Variants in WDPCP observed in about 807,000 individuals in gnomAD.
WDPCP encodes the protein WD repeat-containing and planar cell polarity effector protein fritz homolog.
Under a neutral mutation model 93.1 loss-of-function variants are expected in WDPCP, and 71 were observed. The ratio of observed to expected loss-of-function variants is 0.76; its 90% CI spans 0.63 to 0.93. The LOEUF (loss-of-function observed/expected upper bound fraction) is 0.93. WDPCP is among the 40% of genes least tolerant of loss of function. The pLI is 0.00. For synonymous variants in WDPCP, 315 were observed against 315.0 expected, an observed-to-expected ratio of 1.00 and a Z score of 0.00; for missense variants, 844 against 887.4, an observed-to-expected ratio of 0.95 and a Z score of 0.62.
upstream of WDPCP, chr2:63,592,992 T>C (rs1709228366): frequency 6.6e-6 from 1 of 152,156 alleles, no homozygotes; most frequent in African/African-American, 2.4e-5. Context: ...TAAAGATTTT[T>C]CTATAAATAG....
chr2:63,281,130 GAA>G (rs976144575), intron 13 of WDPCP, among the ~76,000 whole-genome samples: 2 of 149,144 alleles, frequency 1.3e-5, no homozygotes, highest in East Asian at 3.9e-4. Context: ...AAATCAGCAA[GAA>G]AAAAAAACCC....
chr2:63,690,744 G>C (rs1238840650), intron 2 of WDPCP, among the ~76,000 whole-genome samples: 2 of 151,758 alleles, frequency 1.3e-5, no homozygotes, highest in Non-Finnish European at 2.9e-5. Flanking sequence ...CCTGTCTCGA[G>C]AAAACAAAAC....
chr2:63,264,125 T>A (rs983597046), intron 13 of WDPCP, among the ~76,000 whole-genome samples: 3 of 152,212 alleles, frequency 2.0e-5, no homozygotes, highest in African/African-American at 7.2e-5. Context: ...CCCGGCCAGA[T>A]GCCTAGCTAT....
At chr2:63,335,752 A>G (rs902729420) in intron 12 of WDPCP, among the ~76,000 whole-genome samples, 1 of 152,204 alleles carries the variant, frequency 6.6e-6, no homozygotes, top group Non-Finnish European at 1.5e-5. Flanking sequence ...GAACTGGGTA[A>G]AAATGAGGCT....
chr2:63,771,620 G>A (rs901030447), intron 2 of WDPCP, among the ~76,000 whole-genome samples: 1 of 151,840 alleles, frequency 6.6e-6, no homozygotes, highest in African/African-American at 2.4e-5. Flanking sequence ...GCATGATGCT[G>A]AGGTTTGGGG....
At chr2:63,819,670 AG>A (rs1281291518) in intron 1 of WDPCP, among the ~76,000 whole-genome samples, 4 of 152,344 alleles carry the variant, frequency 2.6e-5, no homozygotes, top group Non-Finnish European at 5.9e-5. Context: ...GTCCAGGCAC[AG>A]TATTTCTAGA....
At chr2:63,156,312 T>C (rs909718058) in intron 15 of WDPCP, among the ~76,000 whole-genome samples, 1 of 152,194 alleles carries the variant, frequency 6.6e-6, no homozygotes, top group African/African-American at 2.4e-5. Flanking sequence ...CCATTTATTT[T>C]AATCTTCTTA....
Position 63,783,324 on chromosome 2 carries a change from G to C in WDPCP, n.308+30298C>G, listed in dbSNP as rs1057334071. Among the ~76,000 whole-genome samples, 3 of 152,090 alleles carry C rather than the reference G, an allele frequency of 2.0e-5. No homozygotes were observed. In the East Asian group the frequency reaches 5.8e-4, roughly 29 times the overall value. ...TAGTCCTAGCTACTTGGGAGGCTAA[G>C]GTGGGAAGATTAGTGAACCCAGGAG... is the stretch of plus-strand genomic sequence containing the variant. On this transcript the variant is annotated intron_variant and non_coding_transcript_variant, in intron 2 of 4. Transcript: ENST00000467687.
chr2:63,468,362 TAA>T (rs1247288443), intron 6 of WDPCP, among the ~76,000 whole-genome samples: 1 of 152,124 alleles, frequency 6.6e-6, no homozygotes, highest in Non-Finnish European at 1.5e-5. Context: ...GGATTTCAAT[TAA>T]AGGAATGCAT....
At chr2:63,189,977 AG>A (rs939785121) in intron 14 of WDPCP, among the ~76,000 whole-genome samples, 1 of 152,220 alleles carries the variant, frequency 6.6e-6, no homozygotes. Flanking sequence ...CATTCTTAAA[AG>A]CAAACATTTA....
chr2:63,391,772 C>A (rs957608968), intron 10 of WDPCP, among the ~76,000 whole-genome samples: 12 of 152,046 alleles, frequency 7.9e-5, no homozygotes, highest in Admixed American at 6.6e-4. Flanking sequence ...TCAGGAGTGA[C>A]CTCCCATTCA....
chr2:63,586,495 A>C lies in WDPCP; in HGVS notation c.75+1702T>G, dbSNP rs186070941. ...CATATTGTGCTACTTGACATTAGCTATTACCAAAGACGGTTCAAAAGGAAG... is the reference window on the plus strand; with the variant it reads ...CATATTGTGCTACTTGACATTAGCTCTTACCAAAGACGGTTCAAAAGGAAG... On this transcript the variant is annotated intron_variant, in intron 1 of 17. Coordinates refer to ENST00000272321, the MANE Select transcript of WDPCP (RefSeq NM_015910.7). 2.0e-5 allele frequency among the ~76,000 whole-genome samples: 3 copies of C among 152,328 alleles called. No homozygotes were observed. In the East Asian group the frequency reaches 5.8e-4, roughly 29 times the overall value.
rs765123764 is a variant in WDPCP at position 63,588,296 on chromosome 2, G to A, written c.-25C>T. The A allele has an allele frequency of 1.2e-5, 19 of 1,564,120 alleles. No individual in the cohort carries two copies. The African/African-American group carries it at 2.6e-4, about 21-fold the overall frequency. On this transcript the variant is annotated 5_prime_UTR_variant, in exon 1 of 18. Coordinates refer to ENST00000272321, the MANE Select transcript of WDPCP (RefSeq NM_015910.7). ...TCACCAGACACTACCCCGGGCAGAAGGTTCCTAGGCTAGGTCCTCGGACCC... is the reference window on the plus strand; with the variant it reads ...TCACCAGACACTACCCCGGGCAGAAAGTTCCTAGGCTAGGTCCTCGGACCC...
intron 1 of WDPCP, among the ~76,000 whole-genome samples, chr2:63,563,924 C>T (rs1706828835): frequency 6.6e-6 from 1 of 152,136 alleles, no homozygotes; most frequent in Admixed American, 6.5e-5. Flanking sequence ...AGAAAATGGG[C>T]TAAGACAGTG....
chr2:63,793,517 GGGAAGACTGC>G (rs1475156607), intron 2 of WDPCP, among the ~76,000 whole-genome samples: 2 of 152,108 alleles, frequency 1.3e-5, no homozygotes, highest in African/African-American at 4.8e-5. Flanking sequence ...AGGCCCAGGT[GGGAAGACTGC>G]TTGAGCCTAG....
chr2:63,596,483 T>C (rs1170819214), intron 3 of WDPCP, among the ~76,000 whole-genome samples: 1 of 152,208 alleles, frequency 6.6e-6, no homozygotes, highest in African/African-American at 2.4e-5. Flanking sequence ...CTCTGCTGAG[T>C]TCCCTGTGCT....
At chr2:63,142,923 TAC>T (rs1242494155) in intron 17 of WDPCP, among the ~76,000 whole-genome samples, 1,920 of 105,566 alleles carry the variant, frequency 0.018, 24 homozygotes, top group Middle Eastern at 0.042. Context: ...CACATACATA[TAC>T]ACACACACAC....
intron 9 of WDPCP, among the ~76,000 whole-genome samples, chr2:63,422,060 A>G (rs2105358378): frequency 6.6e-6 from 1 of 152,360 alleles, no homozygotes; most frequent in Admixed American, 6.5e-5. Context: ...AGAAACCTAG[A>G]AACAATAATC....
At chr2:63,509,464 G>A (rs1702086651) in intron 1 of WDPCP, among the ~76,000 whole-genome samples, 2 of 152,124 alleles carry the variant, frequency 1.3e-5, no homozygotes, top group Non-Finnish European at 2.9e-5. Context: ...AGCACTACAT[G>A]CCCACAAGAG....
Sources: gnomAD v4.1 joint callset for allele counts (sites outside exome capture counted in the v4.1 genomes callset) on GRCh38, gnomAD v4.1.1 for gene constraint, MANE v1.5 for transcripts, NCBI Gene and HGNC (gene_info 2026-07-23, HGNC 2026-07-21) for gene names.